The following PRUNE2 variants were observed in gnomAD, a reference collection of about 807,000 sequenced individuals.
The protein encoded by PRUNE2 is protein prune homolog 2.
PRUNE2 carries 164 observed loss-of-function variants against 252.0 expected under a neutral mutation model. The observed-to-expected ratio is 0.65, with a 90% CI of 0.57 to 0.74. PRUNE2 has a LOEUF of 0.74. Among genes scored for constraint, PRUNE2 ranks in the 30% least tolerant of loss-of-function variants. The probability of loss-of-function intolerance (pLI) is 0.00; values close to 1 mark genes in which losing one functional copy is unlikely to be tolerated. For missense variants in PRUNE2, 3,495 were observed against 3,711.0 expected, an observed-to-expected ratio of 0.94 and a Z score of 1.51; for synonymous variants, 1,292 against 1,350.2, an observed-to-expected ratio of 0.96 and a Z score of 0.94.
intron 6 of PRUNE2, among the ~76,000 whole-genome samples, chr9:76,727,605 C>A (rs2048206201): frequency 6.6e-6 from 1 of 150,784 alleles, no homozygotes; most frequent in African/African-American, 2.4e-5. Context: ...ATGAAGTTTA[C>A]CCAGGTATTT....
At chr9:76,637,337 A>G (rs1417521210) in intron 14 of PRUNE2, 81 bp downstream of exon 14, 4 of 1,336,120 alleles carry the variant, frequency 3.0e-6, no homozygotes, top group Non-Finnish European at 4.2e-6. Context: ...TATAATGAAG[A>G]TAATAACAGT....
At chr9:76,816,100 T>G (rs1280774074) in intron 6 of PRUNE2, among the ~76,000 whole-genome samples, 2 of 148,798 alleles carry the variant, frequency 1.3e-5, no homozygotes, top group Non-Finnish European at 3.0e-5. Context: ...AGGCAGAGGT[T>G]GCAGTGAGCC....
At chr9:76,650,811 C>T (rs1847085309) in intron 11 of PRUNE2, among the ~76,000 whole-genome samples, 1 of 152,204 alleles carries the variant, frequency 6.6e-6, no homozygotes, top group African/African-American at 2.4e-5. Flanking sequence ...CCAGCCACCA[C>T]TGCTTTGCTC....
Position 76,705,335 on chromosome 9 carries a change from C to T in PRUNE2, c.6939G>A (p.Thr2313=), listed in dbSNP as rs781515602. 18 of 1,613,964 alleles carry T rather than the reference C, an allele frequency of 1.1e-5. No individual in the cohort carries two copies. The highest frequency in any genetic ancestry group is 9.3e-5 in the African/African-American group (7 of 75,040). The part of the protein sequence containing the change: ...FSDASGLNTS[T]GTIDDMSKLT... ...GTTTACTCATGTCATCTATTGTTCC[C>T]GTGGATGTGTTGAGACCTGAGGCAT... Residue 2313 remains threonine, a synonymous_variant, in exon 8 of 19, where the codon ACG becomes ACA. Coordinates refer to ENST00000376718, the MANE Select transcript of PRUNE2 (RefSeq NM_015225.3).
At chr9:76,896,675 G>A (rs12553283) in intron 1 of PRUNE2, among the ~76,000 whole-genome samples, 16,570 of 151,912 alleles carry the variant, frequency 0.11, 1,105 homozygotes, top group South Asian at 0.23. Context: ...TTTCTGGGGC[G>A]CTGCTAAACC....
chr9:76,664,415 C>T (rs1054887455), intron 9 of PRUNE2, among the ~76,000 whole-genome samples: 8 of 152,200 alleles, frequency 5.3e-5, no homozygotes, highest in Non-Finnish European at 1.2e-4. Context: ...AACAAGATAC[C>T]TTAAGCCAGA....
intron 16 of PRUNE2, among the ~76,000 whole-genome samples, chr9:76,626,760 C>A (rs1834976841): frequency 6.6e-6 from 1 of 152,194 alleles, no homozygotes; most frequent in South Asian, 2.1e-4. Flanking sequence ...GGAGGCTTTG[C>A]AAGTGCTTTG....
chr9:76,829,704 C>T (rs1429427342), intron 4 of PRUNE2, among the ~76,000 whole-genome samples: 5 of 151,840 alleles, frequency 3.3e-5, no homozygotes, highest in African/African-American at 4.8e-5. Flanking sequence ...TTCCTGAGGA[C>T]CGAAATCCTG....
At chr9:76,720,676 A>C (rs911055936) in intron 6 of PRUNE2, among the ~76,000 whole-genome samples, 2 of 152,118 alleles carry the variant, frequency 1.3e-5, no homozygotes, top group African/African-American at 4.8e-5. Context: ...CTTTTGCAAG[A>C]TTCTGTCTGT....
chr9:76,720,596 C>T (rs1275749568), intron 6 of PRUNE2, among the ~76,000 whole-genome samples: 1 of 150,810 alleles, frequency 6.6e-6, no homozygotes, highest in Non-Finnish European at 1.5e-5. Flanking sequence ...CTTTCCTTTC[C>T]TGTTTTTTTA....
chr9:76,629,950 T>C (rs1836757514), intron 15 of PRUNE2, among the ~76,000 whole-genome samples: 1 of 152,202 alleles, frequency 6.6e-6, no homozygotes. Context: ...TTTTCAAAGA[T>C]AAGGAAACAG....
At chr9:76,866,356 C>T (rs755054670) in intron 1 of PRUNE2, among the ~76,000 whole-genome samples, 5 of 152,204 alleles carry the variant, frequency 3.3e-5, no homozygotes, top group African/African-American at 9.7e-5. Flanking sequence ...AGGGTTTTGC[C>T]CTTAGGCACT....
In PRUNE2 at chr9:76,637,414, A is replaced by T; in HGVS notation, c.8963+4T>A. On this transcript the variant is annotated splice_donor_region_variant and intron_variant, in intron 14 of 18. Coordinates refer to ENST00000376718, the MANE Select transcript of PRUNE2 (RefSeq NM_015225.3). ...ATAGTGATTAAATAATAGAGCCCAC[A>T]TACCGTCTGTCAATCATCTGGTAGC... 2 of 1,613,536 alleles carry T rather than the reference A, an allele frequency of 1.2e-6. No homozygotes were observed. The highest frequency in any genetic ancestry group is 1.7e-6 in the Non-Finnish European group (2 of 1,179,732).
At chr9:76,756,919 C>G (rs2051215366) in intron 6 of PRUNE2, among the ~76,000 whole-genome samples, 1 of 150,606 alleles carries the variant, frequency 6.6e-6, no homozygotes, top group Admixed American at 6.7e-5. Flanking sequence ...CCAATGCAAG[C>G]AAAGTGTTTA....
chr9:76,887,630 T>C (rs1281047854), intron 1 of PRUNE2, among the ~76,000 whole-genome samples: 1 of 152,208 alleles, frequency 6.6e-6, no homozygotes, highest in African/African-American at 2.4e-5. Flanking sequence ...AAGTGGCTCA[T>C]TCCATTTCTG....
At chr9:76,874,161 G>T (rs1310431421) in intron 1 of PRUNE2, among the ~76,000 whole-genome samples, 3 of 152,098 alleles carry the variant, frequency 2.0e-5, no homozygotes, top group Non-Finnish European at 4.4e-5. Context: ...GTTTTAAAAG[G>T]AAGGAGAACT....
chr9:76,850,972 A>G (rs1453002493), intron 2 of PRUNE2, among the ~76,000 whole-genome samples: 1 of 152,084 alleles, frequency 6.6e-6, no homozygotes, highest in African/African-American at 2.4e-5. Context: ...AAATTTAAAT[A>G]GATAACATTT....
intron 9 of PRUNE2, among the ~76,000 whole-genome samples, chr9:76,662,457 A>T (rs1326230438): frequency 6.6e-6 from 1 of 152,250 alleles, no homozygotes; most frequent in African/African-American, 2.4e-5. Flanking sequence ...CCTTTAGAAC[A>T]GGTACAAAAT....
intron 9 of PRUNE2, among the ~76,000 whole-genome samples, chr9:76,684,088 G>A (rs904824355): frequency 6.6e-6 from 1 of 151,876 alleles, no homozygotes; most frequent in Admixed American, 6.6e-5. Flanking sequence ...TATGTTTTTT[G>A]TGGTGAAAAC....
Sources: allele counts gnomAD v4.1 joint callset (sites outside exome capture counted in the v4.1 genomes callset), GRCh38; gene constraint gnomAD v4.1.1; transcripts MANE v1.5; gene names NCBI Gene and HGNC (gene_info 2026-07-23, HGNC 2026-07-21).